Variants in METTL21C observed in about 807,000 individuals in gnomAD.
METTL21C encodes protein-lysine methyltransferase METTL21C.
Under a neutral mutation model 25.9 loss-of-function variants are expected in METTL21C, and 21 were observed. The ratio of observed to expected loss-of-function variants is 0.81; its 90% CI spans 0.58 to 1.17. The LOEUF (loss-of-function observed/expected upper bound fraction) is 1.17. Ranked by LOEUF, METTL21C falls within the 50% of genes most tolerant of loss-of-function variation. METTL21C has a pLI of 0.00. For synonymous variants in METTL21C, 125 were observed against 124.7 expected, an observed-to-expected ratio of 1.00 and a Z score of -0.01; for missense variants, 312 against 315.1, an observed-to-expected ratio of 0.99 and a Z score of 0.07.
the METTL21C span, among the ~76,000 whole-genome samples, chr13:102,702,628 C>T: frequency 1.3e-5 from 2 of 151,124 alleles, no homozygotes. Context: ...GCTCTTGTTG[C>T]CCAGGCTGGA....
chr13:102,689,467 C>T (rs1885771584), intron 2 of METTL21C, among the ~76,000 whole-genome samples: 1 of 152,222 alleles, frequency 6.6e-6, no homozygotes, highest in African/African-American at 2.4e-5. Flanking sequence ...TTCTCCCCAT[C>T]CTGTGCCATC....
At position 102,685,947 on chromosome 13, in the gene METTL21C, C is replaced by A. The variant is rs1595241075; in HGVS notation, c.*84G>T. On this transcript the variant is annotated 3_prime_UTR_variant, in exon 4 of 4. Coordinates refer to ENST00000267273, the MANE Select transcript of METTL21C (RefSeq NM_001010977.3). ...GTTTCTATGCACTACCTTCTCAATC[C>A]TGTGAAAGAAGTCTATTACCAAAGC... 1 of 1,387,832 alleles carries A rather than the reference C, an allele frequency of 7.2e-7. No individual in the cohort carries two copies. The allele number at this position is 1,387,832 out of a possible 1,614,324, so 86.0% of individuals were successfully genotyped here.
upstream of METTL21C, among the ~76,000 whole-genome samples, chr13:102,699,517 G>A (rs1038575817): frequency 4.6e-5 from 7 of 152,134 alleles, no homozygotes; most frequent in African/African-American, 1.7e-4. Flanking sequence ...CACAAAGGAT[G>A]AGATACTGAT....
At chr13:102,696,870 C>T (rs1267715537), upstream of METTL21C, among the ~76,000 whole-genome samples, 1 of 152,116 alleles carries the variant, frequency 6.6e-6, no homozygotes, top group Admixed American at 6.5e-5. Flanking sequence ...ACTCTGAGTG[C>T]CCAAGCAGCC....
chr13:102,691,108 A>G (rs1885820450), intron 1 of METTL21C, 144 bp from the exon 2 acceptor site: 2 of 869,486 alleles, frequency 2.3e-6, no homozygotes, highest in Non-Finnish European at 3.5e-6. Context: ...GAACGGCTGC[A>G]AATTGGCACA....
intron 1 of METTL21C, among the ~76,000 whole-genome samples, 168 bp from the exon 2 acceptor site, chr13:102,691,132 T>C (rs529080072): frequency 9.2e-5 from 14 of 152,252 alleles, no homozygotes; most frequent in Admixed American, 7.8e-4. Flanking sequence ...TTGAATTATA[T>C]GGGGTGATGG....
the METTL21C span, among the ~76,000 whole-genome samples, chr13:102,701,023 A>T: frequency 6.6e-6 from 1 of 151,674 alleles, no homozygotes; most frequent in African/African-American, 2.4e-5. Context: ...ATTTTTTCCC[A>T]ACAGATTTCT....
chr13:102,694,319 C>A lies in METTL21C; in HGVS notation c.130+50G>T, dbSNP rs1279211073. 2.6e-6 allele frequency: 4 copies of A among 1,568,070 alleles called. No individual in the cohort carries two copies. The African/African-American group carries it at 4.1e-5, about 16-fold the overall frequency. On this transcript the variant is annotated intron_variant, in intron 1 of 3. Coordinates refer to ENST00000267273, the MANE Select transcript of METTL21C (RefSeq NM_001010977.3). ...TGAAATTTACTTGAAGATGTCATCG[C>A]CAGGAAAACAACTGAGGAAAACTGT...
At position 102,686,020 on chromosome 13, in the gene METTL21C, T is replaced by C; in HGVS notation, c.*11A>G. 6.5e-7 allele frequency: 1 copy of C among 1,549,838 alleles called. No homozygotes were observed. On this transcript the variant is annotated 3_prime_UTR_variant, in exon 4 of 4. Transcript: ENST00000267273. ...AGACACAGTAACGTTGTGAAAGGCA[T>C]TTTGTTGGATTTAGTCCCATTTTAG...
the METTL21C span, among the ~76,000 whole-genome samples, chr13:102,703,016 T>G: frequency 1.3e-5 from 2 of 152,250 alleles, no homozygotes; most frequent in Non-Finnish European, 2.9e-5. Context: ...AGATGTTACA[T>G]GAAACTGTCT....
At chr13:102,702,087 C>G in the METTL21C span, among the ~76,000 whole-genome samples, 4 of 151,762 alleles carry the variant, frequency 2.6e-5, no homozygotes, top group Admixed American at 2.6e-4. Flanking sequence ...TCACTTGAAC[C>G]TGGGAAGTGG....
intron 1 of METTL21C, among the ~76,000 whole-genome samples, chr13:102,693,751 A>G (rs1211842480): frequency 1.3e-5 from 2 of 152,230 alleles, no homozygotes; most frequent in Non-Finnish European, 2.9e-5. Flanking sequence ...TTTTAGAGAG[A>G]TCAGATTTTC....
At chr13:102,703,114 T>C in the METTL21C span, among the ~76,000 whole-genome samples, 4,639 of 152,280 alleles carry the variant, frequency 0.03, 223 homozygotes, top group African/African-American at 0.11. Context: ...ACATGAGCTA[T>C]CATAAACCAC....
chr13:102,697,440 CCAGCTCAGAATGTCCA>C (rs1015392996), upstream of METTL21C, among the ~76,000 whole-genome samples: 5 of 152,076 alleles, frequency 3.3e-5, no homozygotes, highest in African/African-American at 1.2e-4. Flanking sequence ...AAAGAATTAC[CCAGCTCAGAATGTCCA>C]CAGTGCAAAG....
intron 1 of METTL21C, among the ~76,000 whole-genome samples, chr13:102,692,474 G>A (rs1004960852): frequency 4.6e-5 from 7 of 152,176 alleles, no homozygotes; most frequent in South Asian, 2.1e-4. Context: ...AACAAAACCC[G>A]GAGCTTGTAT....
rs2058740551 is a variant in METTL21C at position 102,685,856 on chromosome 13, CTTAAA to C, written c.*170_*174del. 1 of 567,006 alleles carries C rather than the reference CTTAAA, an allele frequency of 1.8e-6. No homozygotes were observed. The highest frequency in any genetic ancestry group is 3.8e-5 in the South Asian group (1 of 26,186). The allele number at this position is 567,006 out of a possible 1,614,324, so 35.1% of individuals were successfully genotyped here. A position where few individuals can be genotyped will look rare whatever the true frequency, so the allele number is the denominator to read the frequency against. The stretch of plus-strand genomic sequence containing the variant: ...TAGATATTTAGATTAACCAGATAAT[CTTAAA>C]TTATCTTAGAAATTAGAAAGTTTCT... On this transcript the variant is annotated 3_prime_UTR_variant, in exon 4 of 4. Coordinates refer to ENST00000267273, the MANE Select transcript of METTL21C (RefSeq NM_001010977.3).
At position 102,689,756 on chromosome 13, in the gene METTL21C, G is replaced by A. The variant is rs1043761116; in HGVS notation, c.282+1057C>T. ...GGGAGCTTTACCACGCCAGCAGACT[G>A]GCCTGCGTTCCCATTTCCTCAGCTG... On this transcript the variant is annotated intron_variant, in intron 2 of 3. Transcript: ENST00000267273. Among the ~76,000 whole-genome samples the A allele has an allele frequency of 2.6e-5, 4 of 152,308 alleles. No homozygotes were observed. The South Asian group carries it at 6.2e-4, about 24-fold the overall frequency.
intron 2 of METTL21C, among the ~76,000 whole-genome samples, chr13:102,687,486 A>G (rs966018493): frequency 3.9e-5 from 6 of 152,214 alleles, no homozygotes; most frequent in South Asian, 2.1e-4. Flanking sequence ...TAAAATGTCA[A>G]TTTATAAACT....
chr13:102,700,082 C>T, the METTL21C span, among the ~76,000 whole-genome samples: 9 of 152,232 alleles, frequency 5.9e-5, no homozygotes, highest in Non-Finnish European at 1.2e-4. Context: ...AATATTACTT[C>T]TGTTTCATCT....
Sources: allele counts gnomAD v4.1 joint callset (sites outside exome capture counted in the v4.1 genomes callset), GRCh38; gene constraint gnomAD v4.1.1; transcripts MANE v1.5; gene names NCBI Gene and HGNC (gene_info 2026-07-23, HGNC 2026-07-21).